Variants in MCU observed in about 807,000 individuals in gnomAD.
MCU encodes mitochondrial calcium uniporter.
In MCU, 12 loss-of-function variants were observed where a neutral mutation model predicts 45.2. That is an observed-to-expected ratio of 0.27 (90% confidence interval 0.17 to 0.43). MCU has a LOEUF of 0.43. Among genes scored for constraint, MCU ranks in the 20% least tolerant of loss-of-function variants. MCU has a pLI of 1.00. For synonymous variants in MCU, 160 were observed against 165.1 expected, an observed-to-expected ratio of 0.97 and a Z score of 0.24; for missense variants, 324 against 436.7, an observed-to-expected ratio of 0.74 and a Z score of 2.30.
chr10:72,789,646 G>A (rs905207552), intron 1 of MCU, among the ~76,000 whole-genome samples: 2 of 152,088 alleles, frequency 1.3e-5, no homozygotes, highest in African/African-American at 2.4e-5. Flanking sequence ...CACCTCAAAT[G>A]TAAGATTGGT....
intron 1 of MCU, among the ~76,000 whole-genome samples, chr10:72,709,673 GTTTA>G (rs1842866032): frequency 6.6e-6 from 1 of 151,806 alleles, no homozygotes; most frequent in African/African-American, 2.4e-5. Flanking sequence ...GTTTGGTTTT[GTTTA>G]TTTATTTTCT....
At chr10:72,879,595 T>C (rs1373452680) in intron 6 of MCU, among the ~76,000 whole-genome samples, 1 of 152,216 alleles carries the variant, frequency 6.6e-6, no homozygotes, top group Non-Finnish European at 1.5e-5. Flanking sequence ...AGATGTTCTT[T>C]GGGCAGAAGA....
chr10:72,740,177 G>C (rs1380469859), intron 1 of MCU, among the ~76,000 whole-genome samples: 1 of 151,744 alleles, frequency 6.6e-6, no homozygotes, highest in South Asian at 2.1e-4. Context: ...GTCAGGAGAT[G>C]GAGACCATCT....
At chr10:72,872,478 G>A (rs993975444) in intron 6 of MCU, among the ~76,000 whole-genome samples, 3 of 152,062 alleles carry the variant, frequency 2.0e-5, no homozygotes, top group African/African-American at 7.2e-5. Context: ...TATGGGATCA[G>A]CTTTTTTAGC....
chr10:72,865,967 CG>C lies in MCU; in HGVS notation c.497-2732del, dbSNP rs1368980637. ...AATTTTTTTGTATTTTTAGTAGAGA[CG>C]GGGTTTCACCATGTTAGCCAGAATG... On this transcript the variant is annotated intron_variant, in intron 4 of 7. Coordinates refer to ENST00000373053, the MANE Select transcript of MCU (RefSeq NM_138357.3). Among the ~76,000 whole-genome samples the C allele has an allele frequency of 7.9e-5, 12 of 151,334 alleles. No individual in the cohort carries two copies. In the East Asian group the frequency reaches 2.1e-3, roughly 27 times the overall value.
At chr10:72,694,396 A>T (rs1842661754) in intron 1 of MCU, among the ~76,000 whole-genome samples, 1 of 152,216 alleles carries the variant, frequency 6.6e-6, no homozygotes, top group Non-Finnish European at 1.5e-5. Context: ...CATCTGAGAT[A>T]TTCTCACCTC....
At chr10:72,783,812 G>A (rs147285700) in intron 1 of MCU, among the ~76,000 whole-genome samples, 23 of 152,286 alleles carry the variant, frequency 1.5e-4, no homozygotes, top group African/African-American at 5.5e-4. Context: ...TTTTCCCCAT[G>A]ATTAGCTCCA....
intron 1 of MCU, among the ~76,000 whole-genome samples, chr10:72,820,843 G>T (rs1844700710): frequency 6.6e-6 from 1 of 151,766 alleles, no homozygotes; most frequent in African/African-American, 2.4e-5. Context: ...ATAACAAAAT[G>T]AAGTTAACAG....
chr10:72,794,826 C>A (rs150043703), intron 1 of MCU, among the ~76,000 whole-genome samples: 3 of 152,224 alleles, frequency 2.0e-5, no homozygotes, highest in African/African-American at 7.2e-5. Flanking sequence ...AATAGCTTCC[C>A]CCACCTCCCG....
At chr10:72,867,453 A>C (rs1014394881) in intron 4 of MCU, among the ~76,000 whole-genome samples, 1 of 152,162 alleles carries the variant, frequency 6.6e-6, no homozygotes, top group Non-Finnish European at 1.5e-5. Context: ...TCATAACTTC[A>C]TACCCTTTAG....
chr10:72,692,801 C>A, intron 1 of MCU: 1 of 1,411,810 alleles, frequency 7.1e-7, no homozygotes, highest in South Asian at 1.6e-5. Flanking sequence ...AGGACCCCGG[C>A]GGGGCCGCCC....
chr10:72,712,344 A>G (rs1407097046), intron 1 of MCU: 1 of 152,346 alleles, frequency 6.6e-6, no homozygotes, highest in East Asian at 1.9e-4. Context: ...AGAATGTTTT[A>G]TTACATAGAT....
chr10:72,834,385 G>T lies in MCU; in HGVS notation c.177G>T (p.Gln59His). The stretch of plus-strand genomic sequence containing the variant: ...TACACCAGAGGATCGCTTCCTGGCA[G>T]AATTTGGGAGCTGTTTATTGCAGCA... The part of the protein sequence containing the change: ...RTVHQRIASW[Q>H]NLGAVYCSTV... The change falls in exon 2 of 8, where the codon CAG becomes CAT. Residue 59 changes from glutamine to histidine, a missense_variant. Gln to His is a conservative substitution (Grantham distance 24, BLOSUM62 0). Transcript: ENST00000373053. 6.2e-7 allele frequency: 1 copy of T among 1,613,914 alleles called. No individual in the cohort carries two copies. The highest frequency in any genetic ancestry group is 8.5e-7 in the Non-Finnish European group (1 of 1,179,842).
intron 1 of MCU, among the ~76,000 whole-genome samples, chr10:72,713,349 G>A (rs1402286737): frequency 1.3e-5 from 2 of 152,036 alleles, no homozygotes; most frequent in African/African-American, 2.4e-5. Flanking sequence ...GCGCAATCTC[G>A]GCTCACTGCA....
chr10:72,795,973 G>A (rs1844237941), intron 1 of MCU, among the ~76,000 whole-genome samples: 1 of 151,996 alleles, frequency 6.6e-6, no homozygotes, highest in Admixed American at 6.6e-5. Flanking sequence ...ACTCCAGCCT[G>A]CGCGACAGAG....
At chr10:72,777,506 G>A (rs946252225) in intron 1 of MCU, among the ~76,000 whole-genome samples, 2 of 152,120 alleles carry the variant, frequency 1.3e-5, no homozygotes, top group Non-Finnish European at 2.9e-5. Flanking sequence ...GCAGAAGAAC[G>A]AAACTAGACC....
chr10:72,743,979 G>C (rs1843373467), intron 1 of MCU, among the ~76,000 whole-genome samples: 1 of 151,648 alleles, frequency 6.6e-6, no homozygotes, highest in Non-Finnish European at 1.5e-5. Flanking sequence ...TTATGCTGTA[G>C]CTCATCATTT....
At chr10:72,733,676 G>A (rs1018937251) in intron 1 of MCU, among the ~76,000 whole-genome samples, 13 of 101,198 alleles carry the variant, frequency 1.3e-4, no homozygotes, top group African/African-American at 5.2e-4. Context: ...CGATATATAT[G>A]TTTCATATAT....
chr10:72,726,897 A>G (rs1843109298), intron 1 of MCU, among the ~76,000 whole-genome samples: 1 of 152,218 alleles, frequency 6.6e-6, no homozygotes, highest in African/African-American at 2.4e-5. Flanking sequence ...TATTTATAAA[A>G]TTGATAATCT....
Sources: gnomAD v4.1 joint callset for allele counts (sites outside exome capture counted in the v4.1 genomes callset) on GRCh38, gnomAD v4.1.1 for gene constraint, MANE v1.5 for transcripts, NCBI Gene and HGNC (gene_info 2026-07-23, HGNC 2026-07-21) for gene names.